PARP4: variants seen among roughly 807,000 people sequenced by gnomAD.
PARP4 encodes the protein protein mono-ADP-ribosyltransferase PARP4.
A neutral mutation model predicts 187.7 loss-of-function variants in PARP4; 120 were observed. That is an observed-to-expected ratio of 0.64 (90% CI 0.55 to 0.74). PARP4 has a LOEUF of 0.74. Ranked by LOEUF, PARP4 falls within the 30% of genes least tolerant of loss-of-function variation. The pLI, the probability that PARP4 is intolerant of heterozygous loss-of-function variation, is 0.00. For missense variants in PARP4, 1,836 were observed against 2,070.5 expected, an observed-to-expected ratio of 0.89 and a Z score of 2.20; for synonymous variants, 654 against 740.9, an observed-to-expected ratio of 0.88 and a Z score of 1.90.
Position 24,459,257 on chromosome 13 carries a change from T to C in PARP4, c.2345+7A>G, listed in dbSNP as rs369018761. The C allele has an allele frequency of 3.8e-6, 6 of 1,588,284 alleles. No individual in the cohort carries two copies. The highest frequency in any genetic ancestry group is 5.2e-6 in the Non-Finnish European group (6 of 1,164,446). ...GAATTGACAGGTTTTATATTTTAGG[T>C]ACTAACCTTTGCTTTGTTCCTATTT... On this transcript the variant is annotated splice_region_variant and intron_variant, in intron 19 of 33. Transcript: ENST00000381989.
chr13:24,477,864 C>T lies in PARP4; in HGVS notation c.1633-7G>A. ...AGACAACAAATTCATCATCCTAGAG[C>T]AAACAGAAATCAGTAGGTGATTAAC... On this transcript the variant is annotated splice_polypyrimidine_tract_variant and splice_region_variant and intron_variant, in intron 13 of 33. Transcript: ENST00000381989. 1.3e-6 allele frequency: 2 copies of T among 1,550,782 alleles called. No individual in the cohort carries two copies. The highest frequency in any genetic ancestry group is 1.7e-6 in the Non-Finnish European group (2 of 1,149,970).
At chr13:24,450,166 T>C (rs554736316) in intron 24 of PARP4, among the ~76,000 whole-genome samples, 1 of 152,154 alleles carries the variant, frequency 6.6e-6, no homozygotes, top group East Asian at 1.9e-4. Context: ...TAAATAACAA[T>C]ATTACCTGAA....
At chr13:24,507,154 G>A (rs111350377) in intron 1 of PARP4, among the ~76,000 whole-genome samples, 18 of 152,344 alleles carry the variant, frequency 1.2e-4, no homozygotes, top group Middle Eastern at 3.4e-3. Flanking sequence ...GCCCGCAAGC[G>A]CCGCGCACAG....
chr13:24,475,145 T>C (rs1872919622), intron 15 of PARP4, among the ~76,000 whole-genome samples: 1 of 152,160 alleles, frequency 6.6e-6, no homozygotes, highest in African/African-American at 2.4e-5. Flanking sequence ...TCACAGCTCC[T>C]ATCTGTGAAA....
intron 12 of PARP4, among the ~76,000 whole-genome samples, chr13:24,483,929 A>G (rs1209787769): frequency 6.6e-6 from 1 of 152,184 alleles, no homozygotes; most frequent in Non-Finnish European, 1.5e-5. Context: ...GCCTGGCCCC[A>G]GCTCGTCTTC....
In PARP4 at chr13:24,452,555, T is replaced by C; in HGVS notation, c.2865A>G (p.Lys955=). 3 of 1,614,042 alleles carry C rather than the reference T, an allele frequency of 1.9e-6. No homozygotes were observed. The highest frequency in any genetic ancestry group is 2.5e-6 in the Non-Finnish European group (3 of 1,179,950). Residue 955 remains lysine, a synonymous_variant, in exon 24 of 34, where the codon AAA becomes AAG. Coordinates refer to ENST00000381989, the MANE Select transcript of PARP4 (RefSeq NM_006437.4). ...TPTMGNTDFW[K]TLRYLSLLYP... ...ACAATAAGCTAAGATATCGGAGTGTTTTCCAGAAGTCTGTGTTCCCCATGG... is the reference window on the plus strand; with the variant it reads ...ACAATAAGCTAAGATATCGGAGTGTCTTCCAGAAGTCTGTGTTCCCCATGG...
At chr13:24,483,219 G>C (rs1234656356) in intron 12 of PARP4, among the ~76,000 whole-genome samples, 1 of 151,632 alleles carries the variant, frequency 6.6e-6, no homozygotes, top group Non-Finnish European at 1.5e-5. Flanking sequence ...GGGCGCGGTG[G>C]CTCACGCCTG....
chr13:24,477,212 G>C (rs192954503), intron 14 of PARP4, among the ~76,000 whole-genome samples: 233 of 152,296 alleles, frequency 1.5e-3, no homozygotes, highest in African/African-American at 5.0e-3. Flanking sequence ...GGCCATGGTG[G>C]CTCATATCTG....
intron 12 of PARP4, among the ~76,000 whole-genome samples, chr13:24,483,075 A>G (rs1397855033): frequency 6.6e-6 from 1 of 150,746 alleles, no homozygotes; most frequent in Non-Finnish European, 1.5e-5. Flanking sequence ...AGCTGGATGT[A>G]GTGGTTCAGT....
Position 24,459,521 on chromosome 13 carries a change from GTC to G in PARP4, c.2299-213_2299-212del, listed in dbSNP as rs762826624. ...GACAGAGATTTTAAACTCTACATAT[GTC>G]TGTGTGTATACACACACACACACGC... is the stretch of plus-strand genomic sequence containing the variant. On this transcript the variant is annotated intron_variant, in intron 18 of 33. Coordinates refer to ENST00000381989, the MANE Select transcript of PARP4 (RefSeq NM_006437.4). 358 of 392,450 alleles carry G rather than the reference GTC, an allele frequency of 9.1e-4. 5 individuals are homozygous for G. Among genetic ancestry groups the G allele is most frequent in the Non-Finnish European group, 2.4e-4 (53 of 222,642 alleles). The allele number at this position is 392,450 out of a possible 1,614,324, so 24.3% of individuals were successfully genotyped here.
chr13:24,489,500 G>T (rs917418402), intron 10 of PARP4, among the ~76,000 whole-genome samples: 2 of 152,140 alleles, frequency 1.3e-5, no homozygotes, highest in South Asian at 2.1e-4. Context: ...CCCAGCTGAG[G>T]GGGGTGGCTG....
chr13:24,463,073 T>G (rs1231357423), intron 17 of PARP4, among the ~76,000 whole-genome samples: 1 of 151,906 alleles, frequency 6.6e-6, no homozygotes, highest in Non-Finnish European at 1.5e-5. Context: ...AAAAATAACA[T>G]AAACACATCA....
In PARP4 at chr13:24,435,088, A is replaced by C. The variant is rs1457960702; in HGVS notation, c.4053T>G (p.Gly1351=). The change falls in exon 31 of 34, where the codon GGT becomes GGG. Residue 1351 remains glycine (G), a synonymous_variant. Transcript: ENST00000381989. The part of the protein sequence containing the change: ...FASYRQVASF[G]SAAPPRQFDA... The stretch of plus-strand genomic sequence containing the variant: ...CAAACTGTCTGGGAGGAGCAGCTGA[A>C]CCGAAACTAGCTACCTGACGATATG... 2.5e-6 allele frequency: 4 copies of C among 1,614,038 alleles called. No individual in the cohort carries two copies. In the African/African-American group the frequency reaches 5.3e-5, roughly 22 times the overall value.
At position 24,498,165 on chromosome 13, in the gene PARP4, T is replaced by C; in HGVS notation, c.542A>G (p.Asp181Gly). The C allele has an allele frequency of 3.1e-6, 5 of 1,613,958 alleles. No homozygotes were observed. Among genetic ancestry groups the C allele is most frequent in the Middle Eastern group, 1.7e-4 (1 of 6,000 alleles). ...GTGTGAGGATATCAGGAAAGGACAG[T>C]CCCTGGAGTCCCGCGAACACTGAAG... is the stretch of plus-strand genomic sequence containing the variant. ...VELQCSRDSR[D>G]CPFLISSHFL... Residue 181 changes from aspartate (D) to glycine (G), a missense_variant, in exon 6 of 34, where the codon GAC (aspartate) becomes GGC (glycine). Asp to Gly is a moderately conservative substitution (Grantham distance 94). This residue lies in a region of PARP4 where 1,147 missense variants were observed against 1,214.2 expected (regional missense o/e 0.94). Coordinates refer to ENST00000381989, the MANE Select transcript of PARP4 (RefSeq NM_006437.4).
chr13:24,430,450 C>T (rs912379416), intron 32 of PARP4, among the ~76,000 whole-genome samples: 4 of 151,980 alleles, frequency 2.6e-5, no homozygotes, highest in South Asian at 2.1e-4. Context: ...CTCACAAGTT[C>T]GAGACCACAC....
At chr13:24,425,491 C>T (rs1190117912) in intron 33 of PARP4, among the ~76,000 whole-genome samples, 1 of 151,708 alleles carries the variant, frequency 6.6e-6, no homozygotes, top group Non-Finnish European at 1.5e-5. Context: ...TTTAAAAGAA[C>T]ATAAGCCAAT....
chr13:24,458,421 T>G (rs1316378980), intron 20 of PARP4, among the ~76,000 whole-genome samples: 1 of 151,914 alleles, frequency 6.6e-6, no homozygotes, highest in Non-Finnish European at 1.5e-5. Context: ...GTTTTTTTTT[T>G]TTTTAATTAG....
intron 22 of PARP4, among the ~76,000 whole-genome samples, chr13:24,454,493 G>A (rs777271270): frequency 8.5e-5 from 13 of 152,094 alleles, no homozygotes; most frequent in Non-Finnish European, 1.8e-4. Context: ...CCATCTGGAG[G>A]GTGGTACTAC....
chr13:24,453,625 G>A lies in PARP4; in HGVS notation c.2788C>T (p.His930Tyr), dbSNP rs1403632176. ...GYKELFSYPK[H>Y]ITSNTMAAEF... ...GCTGCCATGGTATTGCTTGTGATAT[G>A]CTTAGGATACGAAAATAGCTCCTTG... The change falls in exon 23 of 34, where the codon CAT becomes TAT. Residue 930 changes from histidine (H) to tyrosine (Y), a missense_variant. Physicochemically the swap from His to Tyr is moderately conservative, Grantham distance 83. Coordinates refer to ENST00000381989, the MANE Select transcript of PARP4 (RefSeq NM_006437.4). The A allele has an allele frequency of 4.4e-6, 7 of 1,606,950 alleles. No homozygotes were observed. Among genetic ancestry groups the A allele is most frequent in the South Asian group, 1.1e-5 (1 of 90,906 alleles).
Sources: gnomAD v4.1 joint callset for allele counts (sites outside exome capture counted in the v4.1 genomes callset) on GRCh38, gnomAD v4.1.1 for gene constraint, gnomAD v4.1.1 regional missense constraint, MANE v1.5 for transcripts, NCBI Gene and HGNC (gene_info 2026-07-23, HGNC 2026-07-21) for gene names.